The following PML variants were observed in gnomAD, a reference collection of about 807,000 sequenced individuals.
PML encodes the protein protein PML.
In PML, 28 loss-of-function variants were observed where a neutral mutation model predicts 65.2. The observed-to-expected ratio is 0.43, with a 90% confidence interval of 0.32 to 0.59. The LOEUF (loss-of-function observed/expected upper bound fraction) is 0.59. Ranked by LOEUF, PML falls within the 20% of genes least tolerant of loss-of-function variation. The pLI is 0.08. For missense variants in PML, 1,021 were observed against 1,203.4 expected (o/e 0.85, Z 2.24); for synonymous variants, 500 against 508.8 (o/e 0.98, Z 0.23).
chr15:74,033,735 C>T (rs1194671247), intron 6 of PML: 1 of 609,786 alleles, frequency 1.6e-6, no homozygotes, highest in East Asian at 2.7e-5. Context: ...TAGCATACTC[C>T]CAGAGAGGGC....
rs2069582364 is a variant in PML, at chr15:73,997,931, G to C, written c.130-73G>C. The C allele has an allele frequency of 2.3e-6, 3 of 1,295,800 alleles. No individual in the cohort carries two copies. The East Asian group carries it at 6.9e-5, about 30-fold the overall frequency. 80.3% of individuals were successfully genotyped at this position (1,295,800 alleles called of 1,614,324 possible). ...TGAGGTCCTACTCCAGGGTCCAGCT[G>C]TAAGGGTGGTTGGCCGGTAGGTGGG... On this transcript the variant is annotated intron_variant, in intron 1 of 8. Transcript: ENST00000268058.
At chr15:74,000,614 G>A (rs543736576) in intron 2 of PML, among the ~76,000 whole-genome samples, 1 of 152,232 alleles carries the variant, frequency 6.6e-6, no homozygotes, top group East Asian at 1.9e-4. Context: ...ATCCCCTCCT[G>A]TATACTTTAA....
At chr15:74,033,128 A>G (rs1394053100) in intron 5 of PML, 28 bp from the exon 6 acceptor site, 2 of 1,613,596 alleles carry the variant, frequency 1.2e-6, no homozygotes, top group Non-Finnish European at 1.7e-6. Flanking sequence ...CAGGCACCTG[A>G]CCTGGCTCTG....
intron 2 of PML, among the ~76,000 whole-genome samples, chr15:74,011,718 T>G (rs2070341084): frequency 6.6e-6 from 1 of 152,234 alleles, no homozygotes; most frequent in South Asian, 2.1e-4. Flanking sequence ...TTTCCTGTGC[T>G]ATTCTCCTAA....
At chr15:74,028,279 C>T (rs372151352) in intron 4 of PML, 3 of 151,932 alleles carry the variant, frequency 2.0e-5, no homozygotes, top group East Asian at 3.9e-4. Flanking sequence ...GTTTTATTAA[C>T]GTGGATGGAG....
intron 3 of PML, among the ~76,000 whole-genome samples, chr15:74,023,807 C>T (rs896325302): frequency 1.3e-5 from 2 of 152,112 alleles, no homozygotes; most frequent in South Asian, 2.1e-4. Flanking sequence ...CCTGGGGTTA[C>T]GGTAGAAGGG....
chr15:74,027,857 C>G (rs554650064), intron 4 of PML: 1 of 152,286 alleles, frequency 6.6e-6, no homozygotes, highest in East Asian at 1.9e-4. Context: ...GTGGGGAACA[C>G]TGTGAGTGCA....
intron 2 of PML, among the ~76,000 whole-genome samples, chr15:74,015,092 C>T (rs963999869): frequency 2.0e-5 from 3 of 152,220 alleles, no homozygotes; most frequent in African/African-American, 7.2e-5. Context: ...GCTTTCCTTG[C>T]TGCTTTTCTA....
chr15:74,042,277 A>C lies in PML; in HGVS notation c.1711-712A>C. 1.1e-5 allele frequency: 9 copies of C among 803,332 alleles called. No homozygotes were observed. The highest frequency in any genetic ancestry group is 1.4e-5 in the Non-Finnish European group (9 of 663,760). The allele number at this position is 803,332 out of a possible 1,614,324, so 49.8% of individuals were successfully genotyped here. On this transcript the variant is annotated intron_variant, in intron 7 of 8. Coordinates refer to ENST00000268058, the MANE Select transcript of PML (RefSeq NM_033238.3). This position sits in a 1 kb window ranked among gnomAD's most constrained non-coding sequence, Gnocchi z 5.3. ...CTCTAAGCTGCTGGGGCAGATGCCAAGAGCCTCCACTGCTCTCTCACTGCC... is the reference window on the plus strand; with the variant it reads ...CTCTAAGCTGCTGGGGCAGATGCCACGAGCCTCCACTGCTCTCTCACTGCC...
At position 74,035,105 on chromosome 15, in the gene PML, G is replaced by T; in HGVS notation, c.1710+575G>T. 8.5e-7 allele frequency: 1 copy of T among 1,170,680 alleles called. No homozygotes were observed. 72.5% of individuals were successfully genotyped at this position (1,170,680 alleles called of 1,614,324 possible). The stretch of plus-strand genomic sequence containing the variant: ...GGGGAAAAGGGGATCTGAATAGAGT[G>T]AAAGGTTGGACTGGGTGGCCCCTGA... On this transcript the variant is annotated intron_variant, in intron 7 of 8. Coordinates refer to ENST00000268058, the MANE Select transcript of PML (RefSeq NM_033238.3). The surrounding 1 kb of genome is among the most constrained non-coding windows in gnomAD (Gnocchi z 4.1).
intron 2 of PML, among the ~76,000 whole-genome samples, chr15:73,999,690 A>G (rs916450639): frequency 1.3e-5 from 2 of 151,964 alleles, no homozygotes. Context: ...TCGAAAGAAA[A>G]AAATGTATGC....
At chr15:74,032,985 C>T (rs1486552050) in intron 5 of PML, among the ~76,000 whole-genome samples, 171 bp from the exon 6 acceptor site, 1 of 152,206 alleles carries the variant, frequency 6.6e-6, no homozygotes, top group African/African-American at 2.4e-5. Flanking sequence ...CAGATAGTAC[C>T]AGCTTGGGAA....
intron 7 of PML, among the ~76,000 whole-genome samples, chr15:74,039,007 C>T (rs2071636353): frequency 6.6e-6 from 1 of 152,186 alleles, no homozygotes; most frequent in African/African-American, 2.4e-5. Context: ...GCCCTGGGGC[C>T]CCTGCTTTAG....
rs2071733042 is a variant in PML, at chr15:74,043,266, C to T, written c.1861+127C>T. The T allele has an allele frequency of 3.2e-6, 5 of 1,577,540 alleles. No individual in the cohort carries two copies. Among genetic ancestry groups the T allele is most frequent in the Non-Finnish European group, 3.4e-6 (4 of 1,163,708 alleles). On this transcript the variant is annotated intron_variant, in intron 8 of 8. Coordinates refer to ENST00000268058, the MANE Select transcript of PML (RefSeq NM_033238.3). The surrounding 1 kb of genome is among the most constrained non-coding windows in gnomAD (Gnocchi z 4.3). Reference sequence around the variant, plus strand: ...GCTCTGGCCAACAACTGCAGCCAGGCTGGGCAGAGCACTCCGGCTCACCTG... The same window carrying T: ...GCTCTGGCCAACAACTGCAGCCAGGTTGGGCAGAGCACTCCGGCTCACCTG...
intron 2 of PML, among the ~76,000 whole-genome samples, chr15:73,998,807 A>G (rs776494791): frequency 1.3e-5 from 2 of 152,172 alleles, no homozygotes; most frequent in Non-Finnish European, 2.9e-5. Context: ...CATTTGATAC[A>G]TGTTACCAAA....
In PML at chr15:74,044,575, G is replaced by C. The variant is rs1460558038; in HGVS notation, c.2216G>C (p.Ser739Thr). The change falls in exon 9 of 9, where the codon AGC becomes ACC. Residue 739 changes from serine (S) to threonine (T), a missense_variant. By Grantham distance (58) the Ser-to-Thr change is moderately conservative. Coordinates refer to ENST00000268058, the MANE Select transcript of PML (RefSeq NM_033238.3). ...LAQTYLARNMSERSAMAAVLA... is the reference protein window; with the variant it reads ...LAQTYLARNMTERSAMAAVLA... ...CAGACCTACCTGGCGAGAAACATGA[G>C]CGAGCGCAGCGCCATGGCTGCCGTG... is the stretch of plus-strand genomic sequence containing the variant. 1.9e-6 allele frequency: 3 copies of C among 1,611,014 alleles called. No individual in the cohort carries two copies. Among genetic ancestry groups the C allele is most frequent in the Non-Finnish European group, 2.5e-6 (3 of 1,180,020 alleles).
chr15:74,035,359 C>T lies in PML; in HGVS notation c.1710+829C>T, dbSNP rs1304984468. 6.2e-7 allele frequency: 1 copy of T among 1,611,978 alleles called. No individual in the cohort carries two copies. The highest frequency in any genetic ancestry group is 8.5e-7 in the Non-Finnish European group (1 of 1,179,906). On this transcript the variant is annotated intron_variant, in intron 7 of 8. Transcript: ENST00000268058. This position sits in a 1 kb window ranked among gnomAD's most constrained non-coding sequence, Gnocchi z 4.1. ...CACCAGCCCGCTGAGCAGGCTGCCACCCCCGATGCTGAGCCTCACAGCGAG... is the reference window on the plus strand; with the variant it reads ...CACCAGCCCGCTGAGCAGGCTGCCATCCCCGATGCTGAGCCTCACAGCGAG...
Position 74,044,589 on chromosome 15 carries a change from A to G in PML, c.2230A>G (p.Met744Val). The G allele has an allele frequency of 1.2e-6, 2 of 1,609,512 alleles. No homozygotes were observed. Among genetic ancestry groups the G allele is most frequent in the African/African-American group, 1.3e-5 (1 of 75,056 alleles). ...GAGAAACATGAGCGAGCGCAGCGCC[A>G]TGGCTGCCGTGCTGGCCATGCGTGA... The part of the protein sequence containing the change: ...LARNMSERSA[M>V]AAVLAMRDLC... Residue 744 changes from methionine (M) to valine (V), a missense_variant, in exon 9 of 9, where the codon ATG (methionine) becomes GTG (valine). Coordinates refer to ENST00000268058, the MANE Select transcript of PML (RefSeq NM_033238.3).
chr15:74,017,445 G>A lies in PML; in HGVS notation c.603-5383G>A, dbSNP rs989992263. Among the ~76,000 whole-genome samples, 29 of 152,038 alleles carry A rather than the reference G, an allele frequency of 1.9e-4. 1 individual carries two copies. The highest frequency in any genetic ancestry group is 3.1e-4 in the Non-Finnish European group (21 of 68,006). On this transcript the variant is annotated intron_variant, in intron 2 of 8. Coordinates refer to ENST00000268058, the MANE Select transcript of PML (RefSeq NM_033238.3). ...GCGGATCACCTGAGGTCAGGAGATC[G>A]AGACCAGCCTGGCCGGCATGGTGAA...
Sources: allele counts gnomAD v4.1 joint callset (sites outside exome capture counted in the v4.1 genomes callset), GRCh38; gene constraint gnomAD v4.1.1; non-coding constraint Gnocchi (gnomAD v3.1); transcripts MANE v1.5; gene names NCBI Gene and HGNC (gene_info 2026-07-23, HGNC 2026-07-21).